Variants in CDYL2 observed in about 807,000 individuals in gnomAD.
CDYL2 encodes chromodomain Y like 2.
Under a neutral mutation model 49.4 loss-of-function variants are expected in CDYL2, and 23 were observed. The observed-to-expected ratio is 0.47, with a 90% CI of 0.34 to 0.66. CDYL2 has a LOEUF of 0.66. CDYL2 is among the 30% of genes least tolerant of loss of function. The probability of loss-of-function intolerance (pLI) is 0.01; values close to 1 mark genes in which losing one functional copy is unlikely to be tolerated. For synonymous variants in CDYL2, 360 were observed against 268.8 expected (o/e 1.34, Z -3.32); for missense variants, 678 against 656.4 (o/e 1.03, Z -0.36).
At chr16:80,747,455 G>T (rs9932033) in intron 1 of CDYL2, among the ~76,000 whole-genome samples, 35,672 of 152,132 alleles carry the variant, frequency 0.23, 7,931 homozygotes, top group African/African-American at 0.59. Context: ...ACACAAGGCC[G>T]GGACCTATCA....
At chr16:80,795,048 G>A (rs1045919449) in intron 1 of CDYL2, among the ~76,000 whole-genome samples, 5 of 152,100 alleles carry the variant, frequency 3.3e-5, no homozygotes, top group African/African-American at 7.2e-5. Flanking sequence ...ATTCAAATCC[G>A]GCATTTGTAT....
chr16:80,692,143 T>C (rs1910442135), intron 1 of CDYL2, among the ~76,000 whole-genome samples: 3 of 152,220 alleles, frequency 2.0e-5, no homozygotes, highest in Admixed American at 2.0e-4. Context: ...CAAGTCATAA[T>C]AGAAGAAATC....
chr16:80,685,101 T>A lies in CDYL2; in HGVS notation c.53A>T (p.Asn18Ile). The A allele has an allele frequency of 6.2e-7, 1 of 1,613,396 alleles. No individual in the cohort carries two copies. The highest frequency in any genetic ancestry group is 8.5e-7 in the Non-Finnish European group (1 of 1,179,504). Residue 18 changes from asparagine (N) to isoleucine (I), a missense_variant, in exon 2 of 7, where the codon AAC becomes ATC. Physicochemically the swap from Asn to Ile is moderately radical, Grantham distance 149. Around this residue, in one of 3 missense-constraint regions of CDYL2, gnomAD observed 478 missense variants for 427.0 expected, o/e 1.12. Transcript: ENST00000570137. The part of the protein sequence containing the change: ...EVERIVDKRK[N>I]KKGKWEYLIR... ...AAGATACTCCCATTTTCCTTTCTTG[T>A]TCTTCCTCTTGTCTACAATCCTTTC...
intron 1 of CDYL2, among the ~76,000 whole-genome samples, chr16:80,795,734 G>C (rs1169561440): frequency 1.3e-5 from 2 of 152,056 alleles, no homozygotes; most frequent in Admixed American, 1.3e-4. Flanking sequence ...GAGCACTCCA[G>C]TGTGACAGAA....
rs1469736712 is a variant in CDYL2 at position 80,600,820 on chromosome 16, T to C, written c.*3568A>G. ...TTTACAAAATTTTTAAAACCAAAAA[T>C]TAATGGGAAATGCAATTCAGCATTC... On this transcript the variant is annotated 3_prime_UTR_variant, in exon 7 of 7. Transcript: ENST00000570137. 2.0e-5 allele frequency: 3 copies of C among 152,096 alleles called. No individual in the cohort carries two copies. Among genetic ancestry groups the C allele is most frequent in the Non-Finnish European group, 2.9e-5 (2 of 68,014 alleles). 9.4% of individuals were successfully genotyped at this position (152,096 alleles called of 1,614,324 possible). A position where few individuals can be genotyped will look rare whatever the true frequency, so the allele number is the denominator to read the frequency against.
At position 80,669,569 on chromosome 16, in the gene CDYL2, G is replaced by C. The variant is rs149581228; in HGVS notation, c.616+14969C>G. ...AGCCATGAAAGCCAATCAGAGGTCA[G>C]TACCTGGATCTCCCTCAGCCGGGGG... On this transcript the variant is annotated intron_variant, in intron 2 of 6. Transcript: ENST00000570137. 4.3e-4 allele frequency among the ~76,000 whole-genome samples: 66 copies of C among 152,276 alleles called. No homozygotes were observed. In the East Asian group the frequency reaches 0.01, roughly 24 times the overall value.
chr16:80,728,554 C>T (rs1905235820), intron 1 of CDYL2, among the ~76,000 whole-genome samples: 1 of 152,124 alleles, frequency 6.6e-6, no homozygotes, highest in Non-Finnish European at 1.5e-5. Flanking sequence ...CTTGCCCAAT[C>T]TAGCAAGGCA....
intron 2 of CDYL2, among the ~76,000 whole-genome samples, chr16:80,675,168 T>C (rs541402970): frequency 2.0e-5 from 3 of 152,248 alleles, no homozygotes; most frequent in African/African-American, 7.2e-5. Flanking sequence ...CTGGGAAAGG[T>C]CTGTTGGCTT....
intron 2 of CDYL2, among the ~76,000 whole-genome samples, chr16:80,633,718 C>T (rs1453391382): frequency 6.6e-6 from 1 of 152,054 alleles, no homozygotes; most frequent in African/African-American, 2.4e-5. Flanking sequence ...GCTCTGGGAC[C>T]CCCCTAGGGC....
rs1046032070 is a variant in CDYL2, at chr16:80,642,029, G to A, written c.617-8793C>T. 3.3e-5 allele frequency among the ~76,000 whole-genome samples: 5 copies of A among 152,120 alleles called. No individual in the cohort carries two copies. The East Asian group carries it at 7.7e-4, about 23-fold the overall frequency. ...GGATGTAAACTACTCTTATTAAATA[G>A]AAAGGATAAACAATGAGCAGGTCAA... is the stretch of plus-strand genomic sequence containing the variant. On this transcript the variant is annotated intron_variant, in intron 2 of 6. Coordinates refer to ENST00000570137, the MANE Select transcript of CDYL2 (RefSeq NM_152342.4).
intron 1 of CDYL2, among the ~76,000 whole-genome samples, chr16:80,749,879 A>G (rs1447292364): frequency 2.0e-5 from 3 of 152,224 alleles, no homozygotes; most frequent in Non-Finnish European, 4.4e-5. Context: ...AATGTGGCAC[A>G]TAGACACCAT....
chr16:80,655,940 A>G (rs1038932830), intron 2 of CDYL2, among the ~76,000 whole-genome samples: 5 of 152,162 alleles, frequency 3.3e-5, no homozygotes, highest in Non-Finnish European at 7.3e-5. Context: ...GAAACAGAAC[A>G]TGTTGGAACT....
intron 1 of CDYL2, among the ~76,000 whole-genome samples, chr16:80,802,008 T>C (rs1907940675): frequency 6.6e-6 from 1 of 151,634 alleles, no homozygotes; most frequent in African/African-American, 2.4e-5. Flanking sequence ...AATTACCTAC[T>C]ATCACAGAAG....
chr16:80,647,201 AT>A (rs1425110343), intron 2 of CDYL2, among the ~76,000 whole-genome samples: 3 of 152,198 alleles, frequency 2.0e-5, no homozygotes, highest in Non-Finnish European at 2.9e-5. Context: ...GATGAAAGAA[AT>A]TGAAGAGGAT....
intron 1 of CDYL2, among the ~76,000 whole-genome samples, chr16:80,709,185 C>T (rs892876017): frequency 6.6e-6 from 1 of 152,072 alleles, no homozygotes; most frequent in Non-Finnish European, 1.5e-5. Context: ...AGATCAAGAC[C>T]ACCCTGGCCA....
At chr16:80,725,502 G>C (rs139317057) in intron 1 of CDYL2, among the ~76,000 whole-genome samples, 1 of 152,198 alleles carries the variant, frequency 6.6e-6, no homozygotes, top group Non-Finnish European at 1.5e-5. Flanking sequence ...GCCCACAGTA[G>C]GTGCTCAGGA....
chr16:80,790,812 G>A (rs1474078988), intron 1 of CDYL2, among the ~76,000 whole-genome samples: 2 of 152,184 alleles, frequency 1.3e-5, no homozygotes, highest in Non-Finnish European at 2.9e-5. Flanking sequence ...ACTCAAGGCT[G>A]TGCTGAGCCT....
chr16:80,609,969 G>A (rs772369885), intron 5 of CDYL2, among the ~76,000 whole-genome samples: 3 of 152,144 alleles, frequency 2.0e-5, no homozygotes, highest in Non-Finnish European at 4.4e-5. Flanking sequence ...CTTCTCTGCT[G>A]TCCAGGAGGC....
intron 1 of CDYL2, among the ~76,000 whole-genome samples, chr16:80,725,385 T>G (rs1284440123): frequency 6.6e-6 from 1 of 152,184 alleles, no homozygotes; most frequent in Non-Finnish European, 1.5e-5. Flanking sequence ...TAATTAGCGA[T>G]TTGTGGGATT....
Sources: gnomAD v4.1 joint callset for allele counts (sites outside exome capture counted in the v4.1 genomes callset) on GRCh38, gnomAD v4.1.1 for gene constraint, gnomAD v4.1.1 regional missense constraint, MANE v1.5 for transcripts, NCBI Gene and HGNC (gene_info 2026-07-23, HGNC 2026-07-21) for gene names.